The following FRMD3 variants were observed in gnomAD, a reference collection of about 807,000 sequenced individuals.
FRMD3 encodes FERM domain-containing protein 3.
In FRMD3, 33 loss-of-function variants were observed where a neutral mutation model predicts 70.2. That is an observed-to-expected ratio of 0.47 (90% confidence interval 0.36 to 0.63). FRMD3 has a LOEUF of 0.63. Ranked by LOEUF, FRMD3 falls within the 20% of genes least tolerant of loss-of-function variation. The pLI, the probability that FRMD3 is intolerant of heterozygous loss-of-function variation, is 0.00. For synonymous variants in FRMD3, 279 were observed against 255.9 expected, an observed-to-expected ratio of 1.09 and a Z score of -0.86; for missense variants, 632 against 711.4, an observed-to-expected ratio of 0.89 and a Z score of 1.27.
intron 1 of FRMD3, among the ~76,000 whole-genome samples, chr9:83,461,006 T>A (rs962420120): frequency 1.3e-5 from 2 of 151,606 alleles, no homozygotes; most frequent in Non-Finnish European, 2.9e-5. Context: ...GAGAGGCACT[T>A]ACCACACAGT....
chr9:83,272,213 C>T (rs1833582856), intron 13 of FRMD3, among the ~76,000 whole-genome samples: 1 of 152,126 alleles, frequency 6.6e-6, no homozygotes. Context: ...GCCTGATTCT[C>T]CTGCCTCAGC....
downstream of FRMD3, among the ~76,000 whole-genome samples, chr9:83,243,742 G>A (rs112794628): frequency 3.3e-5 from 5 of 151,132 alleles, no homozygotes; most frequent in African/African-American, 1.2e-4. Context: ...ATAGCTAAGG[G>A]CCAATTCTGC....
chr9:83,512,597 C>T (rs1390871260), intron 1 of FRMD3, among the ~76,000 whole-genome samples: 4 of 152,162 alleles, frequency 2.6e-5, no homozygotes, highest in African/African-American at 9.7e-5. Flanking sequence ...GTAGCATATA[C>T]CCCTAGCCCA....
chr9:83,351,411 C>A (rs376567195), intron 3 of FRMD3, among the ~76,000 whole-genome samples: 42 of 151,234 alleles, frequency 2.8e-4, no homozygotes, highest in African/African-American at 9.0e-4. Context: ...AAATTCTTAA[C>A]TGAGATGAGT....
chr9:83,353,046 A>G (rs958786941), intron 3 of FRMD3, among the ~76,000 whole-genome samples: 1 of 152,170 alleles, frequency 6.6e-6, no homozygotes, highest in African/African-American at 2.4e-5. Flanking sequence ...AAGAGGAGGC[A>G]CTTTTCAAGT....
intron 10 of FRMD3, among the ~76,000 whole-genome samples, chr9:83,303,577 G>A (rs1233872141): frequency 6.6e-6 from 1 of 152,204 alleles, no homozygotes; most frequent in Non-Finnish European, 1.5e-5. Context: ...GACCTGATGG[G>A]AGAATCACTG....
At chr9:83,266,951 C>T in intron 13 of FRMD3, 1 of 1,505,658 alleles carries the variant, frequency 6.6e-7, no homozygotes. Flanking sequence ...CAGCAGTGAG[C>T]AGGAAGCTGG....
At chr9:83,479,527 C>T (rs535412518) in intron 1 of FRMD3, among the ~76,000 whole-genome samples, 1 of 143,692 alleles carries the variant, frequency 7.0e-6, no homozygotes, top group East Asian at 2.1e-4. Flanking sequence ...ACTTGGGAGG[C>T]TGAGGCAGGA....
At chr9:83,536,949 A>AAAAAAAAAAAAAAAAAAC (rs1829907811) in intron 1 of FRMD3, among the ~76,000 whole-genome samples, 1 of 139,880 alleles carries the variant, frequency 7.1e-6, no homozygotes, top group African/African-American at 2.7e-5. Context: ...AAAAAAAAAA[A>AAAAAAAAAAAAAAAAAAC]AAAAGCTCAG....
intron 2 of FRMD3, among the ~76,000 whole-genome samples, chr9:83,374,728 T>C (rs1825089290): frequency 6.6e-6 from 1 of 152,206 alleles, no homozygotes; most frequent in Admixed American, 6.5e-5. Context: ...AATAAAATGA[T>C]TGTTGGCCGA....
At chr9:83,338,216 C>A (rs1823641458) in intron 5 of FRMD3, among the ~76,000 whole-genome samples, 1 of 152,146 alleles carries the variant, frequency 6.6e-6, no homozygotes, top group South Asian at 2.1e-4. Flanking sequence ...TACTTTATAC[C>A]TATAACATTG....
chr9:83,544,915 G>A, the FRMD3 span, among the ~76,000 whole-genome samples: 2 of 151,972 alleles, frequency 1.3e-5, no homozygotes, highest in Non-Finnish European at 2.9e-5. Context: ...TCAAAAATAA[G>A]AAGTGACACC....
At chr9:83,377,131 T>C (rs1825174537) in intron 2 of FRMD3, among the ~76,000 whole-genome samples, 1 of 152,202 alleles carries the variant, frequency 6.6e-6, no homozygotes, top group Admixed American at 6.5e-5. Flanking sequence ...ACTAAGATAC[T>C]AAGAGACAGC....
chr9:83,243,113 A>AACTT (rs1435268819), downstream of FRMD3: 4 of 1,361,972 alleles, frequency 2.9e-6, no homozygotes, highest in African/African-American at 1.4e-5. Context: ...GGGCCCACCG[A>AACTT]ACTTACCCAC....
chr9:83,541,700 A>C (rs1022787482), upstream of FRMD3, among the ~76,000 whole-genome samples: 13 of 152,270 alleles, frequency 8.5e-5, no homozygotes, highest in Non-Finnish European at 1.2e-4. Context: ...GCATGACTTA[A>C]CCCTCAGTGC....
intron 1 of FRMD3, among the ~76,000 whole-genome samples, chr9:83,535,003 T>A (rs1282062004): frequency 1.3e-5 from 2 of 152,224 alleles, no homozygotes; most frequent in Non-Finnish European, 2.9e-5. Context: ...TATGGGGTAA[T>A]ATGTCAAAGA....
chr9:83,393,624 A>G (rs1825729969), intron 1 of FRMD3, among the ~76,000 whole-genome samples: 1 of 152,126 alleles, frequency 6.6e-6, no homozygotes, highest in Admixed American at 6.5e-5. Context: ...AGACAGTGAC[A>G]GATCATCAGG....
intron 1 of FRMD3, among the ~76,000 whole-genome samples, chr9:83,457,021 TAAGCTTA>T (rs1827838418): frequency 6.6e-6 from 1 of 151,936 alleles, no homozygotes; most frequent in Non-Finnish European, 1.5e-5. Flanking sequence ...AGAGATATAA[TAAGCTTA>T]AAGAATGAAA....
chr9:83,550,682 T>C, the FRMD3 span, among the ~76,000 whole-genome samples: 1 of 113,664 alleles, frequency 8.8e-6, no homozygotes, highest in Admixed American at 9.3e-5. Flanking sequence ...GCTGTAGTCC[T>C]AGGTAGTGTG....
Sources: gnomAD v4.1 joint callset for allele counts (sites outside exome capture counted in the v4.1 genomes callset) on GRCh38, gnomAD v4.1.1 for gene constraint, MANE v1.5 for transcripts, NCBI Gene and HGNC (gene_info 2026-07-23, HGNC 2026-07-21) for gene names.